MCM9: variants seen among roughly 807,000 people sequenced by gnomAD.
The protein encoded by MCM9 is minichromosome maintenance 9 homologous recombination repair factor.
In MCM9, 55 loss-of-function variants were observed where a neutral mutation model predicts 72.8. The observed-to-expected ratio is 0.76, with a 90% CI of 0.61 to 0.95. The LOEUF is 0.95. MCM9 is among the 40% of genes least tolerant of loss of function. The pLI is 0.00. For missense variants in MCM9, 1,279 were observed against 1,377.0 expected, an observed-to-expected ratio of 0.93 and a Z score of 1.13; for synonymous variants, 480 against 503.4, an observed-to-expected ratio of 0.95 and a Z score of 0.62.
At chr6:118,844,701 C>T (rs773408610) in intron 9 of MCM9, among the ~76,000 whole-genome samples, 4 of 149,782 alleles carry the variant, frequency 2.7e-5, no homozygotes, top group South Asian at 2.1e-4. Flanking sequence ...TGTCTTTAAA[C>T]CCTCGCCATC....
At chr6:118,899,953 C>T (rs1583596523) in intron 8 of MCM9, among the ~76,000 whole-genome samples, 3 of 152,334 alleles carry the variant, frequency 2.0e-5, no homozygotes, top group East Asian at 1.9e-4. Context: ...AAACAGGAGA[C>T]TCCTCCAAAG....
chr6:118,826,837 G>A lies in MCM9; in HGVS notation c.1760C>T (p.Thr587Ile). The change falls in exon 12 of 14, where the codon ACT becomes ATT. Residue 587 changes from threonine (T) to isoleucine (I), a missense_variant. By Grantham distance (89) the Thr-to-Ile change is moderately conservative (BLOSUM62 -1). Coordinates refer to ENST00000619706, the MANE Select transcript of MCM9 (RefSeq NM_017696.3). ...EAHARLMFRDTVTLEDAITVV... is the reference protein window; with the variant it reads ...EAHARLMFRDIVTLEDAITVV... ...CGTAATAGCGTCTTCCAGAGTTACAGTATCACGAAACATCAGGCGAGCATG... is the reference window on the plus strand; with the variant it reads ...CGTAATAGCGTCTTCCAGAGTTACAATATCACGAAACATCAGGCGAGCATG... The A allele has an allele frequency of 1.9e-6, 3 of 1,550,390 alleles. No homozygotes were observed. Among genetic ancestry groups the A allele is most frequent in the Non-Finnish European group, 2.6e-6 (3 of 1,146,908 alleles).
intron 8 of MCM9, among the ~76,000 whole-genome samples, chr6:118,900,591 A>G (rs1365133821): frequency 1.3e-5 from 2 of 152,224 alleles, no homozygotes; most frequent in Admixed American, 1.3e-4. Context: ...AACTCTGATC[A>G]AAGTGTGAAC....
chr6:118,860,309 C>G (rs1351745870), intron 8 of MCM9, among the ~76,000 whole-genome samples: 1 of 152,030 alleles, frequency 6.6e-6, no homozygotes, highest in Non-Finnish European at 1.5e-5. Context: ...AAAAGAAATA[C>G]TAGAGATCAA....
In MCM9 at chr6:118,915,582, C is replaced by T. The variant is rs79528836; in HGVS notation, c.904+1979G>A. On this transcript the variant is annotated intron_variant, in intron 6 of 13. Coordinates refer to ENST00000619706, the MANE Select transcript of MCM9 (RefSeq NM_017696.3). ...CAGGATCAGGTCTTAAGCAAGTCAACCTCCAAGTGCTGATCAGTGAAGCAT... is the reference window on the plus strand; with the variant it reads ...CAGGATCAGGTCTTAAGCAAGTCAATCTCCAAGTGCTGATCAGTGAAGCAT... 6.5e-3 allele frequency among the ~76,000 whole-genome samples: 991 copies of T among 152,232 alleles called. 7 individuals are homozygous for T. Among genetic ancestry groups the T allele is most frequent in the African/African-American group, 0.022 (922 of 41,538 alleles).
Position 118,815,059 on chromosome 6 carries a change from G to A in MCM9, c.3197C>T (p.Pro1066Leu). ...AGGGGATTTTGATTTGGATTCCGAT[G>A]GGGGAGTAAAGCAGAAGTTTGCCAA... is the stretch of plus-strand genomic sequence containing the variant. Reference protein sequence around the residue: ...ARLANFCFTPPSESKSKSPPP... With the variant: ...ARLANFCFTPLSESKSKSPPP... Residue 1066 changes from proline (P) to leucine (L), a missense_variant, in exon 14 of 14, where the codon CCA becomes CTA. Coordinates refer to ENST00000619706, the MANE Select transcript of MCM9 (RefSeq NM_017696.3). 2 of 1,550,558 alleles carry A rather than the reference G, an allele frequency of 1.3e-6. No individual in the cohort carries two copies. Among genetic ancestry groups the A allele is most frequent in the Non-Finnish European group, 1.7e-6 (2 of 1,146,834 alleles).
intron 9 of MCM9, among the ~76,000 whole-genome samples, chr6:118,854,162 A>G (rs1776407193): frequency 6.6e-6 from 1 of 152,192 alleles, no homozygotes; most frequent in Non-Finnish European, 1.5e-5. Context: ...ATCATGCCAC[A>G]TAGAATACAA....
At chr6:118,887,958 A>T (rs971959838) in intron 8 of MCM9, among the ~76,000 whole-genome samples, 1 of 152,154 alleles carries the variant, frequency 6.6e-6, no homozygotes, top group East Asian at 1.9e-4. Context: ...GGGTGAAGGG[A>T]GTGGTTAAGG....
intron 8 of MCM9, among the ~76,000 whole-genome samples, chr6:118,906,785 G>A (rs543512002): frequency 6.6e-6 from 1 of 152,310 alleles, no homozygotes; most frequent in South Asian, 2.1e-4. Flanking sequence ...AGAGTGCAGA[G>A]TAAATGAAGT....
chr6:118,880,766 A>G (rs1039614782), intron 8 of MCM9, among the ~76,000 whole-genome samples: 7 of 152,188 alleles, frequency 4.6e-5, no homozygotes, highest in African/African-American at 1.7e-4. Flanking sequence ...CAGCCAGGGG[A>G]CAAAGGGATG....
At chr6:118,905,572 A>T in intron 8 of MCM9, 1 of 1,138,462 alleles carries the variant, frequency 8.8e-7, no homozygotes, top group Non-Finnish European at 1.2e-6. Context: ...TGATGGTTCT[A>T]GGTAACTGAA....
chr6:118,898,097 T>C (rs1318662778), intron 8 of MCM9, among the ~76,000 whole-genome samples: 1 of 152,208 alleles, frequency 6.6e-6, no homozygotes, highest in Non-Finnish European at 1.5e-5. Flanking sequence ...CCGGGGTTTG[T>C]AGTTACAGAG....
intron 9 of MCM9, among the ~76,000 whole-genome samples, chr6:118,853,493 T>C (rs74194985): frequency 0.13 from 20,385 of 151,894 alleles, 1,537 homozygotes; most frequent in Non-Finnish European, 0.17. Context: ...ACAGGTGGTG[T>C]TTGGGATTTT....
chr6:118,822,913 A>G (rs1773909727), intron 13 of MCM9, among the ~76,000 whole-genome samples: 1 of 152,166 alleles, frequency 6.6e-6, no homozygotes, highest in Non-Finnish European at 1.5e-5. Flanking sequence ...TAGCACTGTC[A>G]GAGGAAAACC....
At chr6:118,907,136 A>C (rs943109316) in intron 8 of MCM9, among the ~76,000 whole-genome samples, 2 of 152,224 alleles carry the variant, frequency 1.3e-5, no homozygotes, top group African/African-American at 4.8e-5. Context: ...AAACAGAAGT[A>C]TAGGAGTTAA....
At chr6:118,818,246 GT>G in intron 13 of MCM9, among the ~76,000 whole-genome samples, 1 of 152,122 alleles carries the variant, frequency 6.6e-6, no homozygotes, top group Admixed American at 6.5e-5. Flanking sequence ...TTCTTCTAGG[GT>G]TTTTATGGTT....
intron 8 of MCM9, among the ~76,000 whole-genome samples, chr6:118,895,035 A>G (rs533560443): frequency 1.3e-5 from 2 of 152,118 alleles, no homozygotes; most frequent in South Asian, 4.2e-4. Flanking sequence ...GCCCCCGGCG[A>G]AAGGCAGGCA....
At chr6:118,901,598 T>C (rs1779800916) in intron 8 of MCM9, among the ~76,000 whole-genome samples, 1 of 152,228 alleles carries the variant, frequency 6.6e-6, no homozygotes, top group Non-Finnish European at 1.5e-5. Flanking sequence ...GTCTTCTATA[T>C]TCAAAAGTGT....
chr6:118,841,250 G>GCA (rs1186579693), intron 9 of MCM9, among the ~76,000 whole-genome samples: 1 of 152,124 alleles, frequency 6.6e-6, no homozygotes, highest in African/African-American at 2.4e-5. Flanking sequence ...CATCCTGGTG[G>GCA]CACACTTGGA....
Sources: gnomAD v4.1 joint callset for allele counts (sites outside exome capture counted in the v4.1 genomes callset) on GRCh38, gnomAD v4.1.1 for gene constraint, MANE v1.5 for transcripts, NCBI Gene and HGNC (gene_info 2026-07-23, HGNC 2026-07-21) for gene names.